IGSF23: variants seen among roughly 807,000 people sequenced by gnomAD.
The protein encoded by IGSF23 is immunoglobulin superfamily, member 23.
Under a neutral mutation model 17.8 loss-of-function variants are expected in IGSF23, and 14 were observed. The observed-to-expected ratio is 0.79, with a 90% CI of 0.52 to 1.23. IGSF23 has a LOEUF of 1.23. Ranked by LOEUF, IGSF23 falls within the 50% of genes most tolerant of loss-of-function variation. The probability of loss-of-function intolerance (pLI) is 0.00; values close to 1 mark genes in which losing one functional copy is unlikely to be tolerated. For synonymous variants in IGSF23, 85 were observed against 92.5 expected (o/e 0.92, Z 0.46); for missense variants, 214 against 241.7 (o/e 0.89, Z 0.76).
intron 2 of IGSF23, among the ~76,000 whole-genome samples, chr19:44,626,286 G>GA (rs1039918860): frequency 6.6e-6 from 1 of 152,228 alleles, no homozygotes; most frequent in East Asian, 1.9e-4. Context: ...TGCACTGGGG[G>GA]AAAAAATGTA....
At chr19:44,617,240 G>A (rs949144332) in intron 1 of IGSF23, among the ~76,000 whole-genome samples, 7 of 136,304 alleles carry the variant, frequency 5.1e-5, no homozygotes, top group African/African-American at 2.0e-4. Flanking sequence ...AAAAAAAAAT[G>A]CCTATCAGGA....
At chr19:44,617,222 T>TA (rs56267275) in intron 1 of IGSF23, among the ~76,000 whole-genome samples, 9,773 of 115,104 alleles carry the variant, frequency 0.085, 438 homozygotes, top group Middle Eastern at 0.12. Flanking sequence ...ACTCTTATAT[T>TA]AAAAAAAAAA....
chr19:44,616,056 C>T (rs902034146), intron 1 of IGSF23, among the ~76,000 whole-genome samples: 2 of 152,162 alleles, frequency 1.3e-5, no homozygotes, highest in South Asian at 2.1e-4. Flanking sequence ...CACAGTGCAA[C>T]GAACTTCAAC....
chr19:44,616,695 C>CAAAAAAA (rs71171272), intron 1 of IGSF23, among the ~76,000 whole-genome samples: 2 of 84,318 alleles, frequency 2.4e-5, no homozygotes, highest in African/African-American at 5.0e-5. Flanking sequence ...GACTCCATCT[C>CAAAAAAA]AAAAAAAAAA....
At chr19:44,629,249 C>T (rs1208619903) in intron 3 of IGSF23, among the ~76,000 whole-genome samples, 3 of 152,144 alleles carry the variant, frequency 2.0e-5, no homozygotes, top group South Asian at 2.1e-4. Context: ...AGTACTACAA[C>T]GCTATTAATA....
At chr19:44,625,265 T>C (rs981555469) in intron 2 of IGSF23, among the ~76,000 whole-genome samples, 2 of 152,320 alleles carry the variant, frequency 1.3e-5, no homozygotes, top group South Asian at 2.1e-4. Context: ...GGTGAATAGC[T>C]TAAAACAATA....
At chr19:44,620,528 G>T (rs922529868) in intron 1 of IGSF23, among the ~76,000 whole-genome samples, 1 of 151,892 alleles carries the variant, frequency 6.6e-6, no homozygotes, top group African/African-American at 2.4e-5. Flanking sequence ...CACCACGCCC[G>T]GCTAATTTTT....
intron 4 of IGSF23, among the ~76,000 whole-genome samples, chr19:44,635,741 C>T (rs187575455): frequency 2.0e-5 from 3 of 152,270 alleles, no homozygotes; most frequent in Admixed American, 1.3e-4. Flanking sequence ...AACTCACTGA[C>T]GTAGCTCAGG....
intron 3 of IGSF23, among the ~76,000 whole-genome samples, chr19:44,634,720 G>C (rs1363621470): frequency 6.6e-6 from 1 of 151,384 alleles, no homozygotes; most frequent in Non-Finnish European, 1.5e-5. Flanking sequence ...AGAATCTCTT[G>C]AACCTGGGAG....
At chr19:44,635,352 C>T (rs772132992) in intron 3 of IGSF23, 49 bp from the exon 4 acceptor site, 1 of 625,198 alleles carries the variant, frequency 1.6e-6, no homozygotes, top group South Asian at 3.0e-5. Flanking sequence ...TTCTTATTCT[C>T]TCTCTCTCTC....
At chr19:44,619,739 T>C (rs1466904149) in intron 1 of IGSF23, among the ~76,000 whole-genome samples, 1 of 152,184 alleles carries the variant, frequency 6.6e-6, no homozygotes, top group Non-Finnish European at 1.5e-5. Context: ...TGTCTCTCTG[T>C]GTGTCCAAAC....
At chr19:44,621,462 A>C (rs973757482) in intron 1 of IGSF23, among the ~76,000 whole-genome samples, 1 of 151,784 alleles carries the variant, frequency 6.6e-6, no homozygotes, top group Admixed American at 6.6e-5. Context: ...CAGCCTGGGC[A>C]ACATGGTGAG....
At chr19:44,627,595 G>A (rs576233519) in intron 3 of IGSF23, 22 bp downstream of exon 3, 42 of 1,538,114 alleles carry the variant, frequency 2.7e-5, no homozygotes, top group South Asian at 1.2e-4. Context: ...CCTCACCCCC[G>A]TCCACTGGGC....
Position 44,627,483 on chromosome 19 carries a change from G to A in IGSF23, c.455G>A (p.Gly152Glu), listed in dbSNP as rs1453490078. 1 of 1,550,530 alleles carries A rather than the reference G, an allele frequency of 6.4e-7. No homozygotes were observed. Among genetic ancestry groups the A allele is most frequent in the South Asian group, 1.2e-5 (1 of 84,058 alleles). The change falls in exon 3 of 5, where the codon GGA becomes GAA. Residue 152 changes from glycine to glutamate, a missense_variant. Coordinates refer to ENST00000402988, the MANE Select transcript of IGSF23 (RefSeq NM_001205280.2). ...MEPDPTLSLS[G>E]GSAIGLLAAG... Reference sequence around the variant, plus strand: ...CCAGACCCCACTCTGTCCCTGTCAGGAGGCTCTGCCATCGGGCTCCTTGCG... The same window carrying A: ...CCAGACCCCACTCTGTCCCTGTCAGAAGGCTCTGCCATCGGGCTCCTTGCG...
chr19:44,623,604 G>A (rs553325077), intron 1 of IGSF23, 103 bp from the exon 2 acceptor site: 10 of 1,170,676 alleles, frequency 8.5e-6, no homozygotes, highest in Non-Finnish European at 1.1e-5. Flanking sequence ...ATGAATGAAT[G>A]AACACATGAA....
intron 3 of IGSF23, among the ~76,000 whole-genome samples, chr19:44,631,855 C>T (rs575317584): frequency 6.6e-6 from 1 of 152,322 alleles, no homozygotes; most frequent in East Asian, 1.9e-4. Flanking sequence ...GCAAGGTGTT[C>T]CTTGCCCTCA....
At chr19:44,621,503 A>C (rs1229656887) in intron 1 of IGSF23, among the ~76,000 whole-genome samples, 1 of 150,436 alleles carries the variant, frequency 6.6e-6, no homozygotes, top group African/African-American at 2.5e-5. Flanking sequence ...AGCTGGATGT[A>C]GTGGCGCACG....
chr19:44,617,103 C>T (rs1054790315), intron 1 of IGSF23, among the ~76,000 whole-genome samples: 1 of 151,856 alleles, frequency 6.6e-6, no homozygotes, highest in African/African-American at 2.4e-5. Context: ...CACTCAGTTG[C>T]CCAGGCTAGT....
At chr19:44,626,502 A>C (rs1310867783) in intron 2 of IGSF23, among the ~76,000 whole-genome samples, 1 of 152,180 alleles carries the variant, frequency 6.6e-6, no homozygotes, top group Non-Finnish European at 1.5e-5. Flanking sequence ...GACAGTGATC[A>C]CCAGAGTGGG....
Sources: gnomAD v4.1 joint callset for allele counts (sites outside exome capture counted in the v4.1 genomes callset) on GRCh38, gnomAD v4.1.1 for gene constraint, MANE v1.5 for transcripts, NCBI Gene and HGNC (gene_info 2026-07-23, HGNC 2026-07-21) for gene names.